The following CSMD1 variants were observed in gnomAD, a reference collection of about 807,000 sequenced individuals.
CSMD1 encodes CUB and Sushi multiple domains 1.
Under a neutral mutation model 417.5 loss-of-function variants are expected in CSMD1, and 213 were observed. The observed-to-expected ratio is 0.51, with a 90% CI of 0.46 to 0.57. The LOEUF (loss-of-function observed/expected upper bound fraction) is 0.57. Among genes scored for constraint, CSMD1 ranks in the 20% least tolerant of loss-of-function variants. CSMD1 has a pLI of 0.00. For synonymous variants in CSMD1, 2,862 were observed against 1,736.8 expected, an observed-to-expected ratio of 1.65 and a Z score of -16.11; for missense variants, 6,923 against 4,529.7, an observed-to-expected ratio of 1.53 and a Z score of -15.17.
intron 1 of CSMD1, among the ~76,000 whole-genome samples, chr8:4,665,066 T>C (rs1378147609): frequency 1.3e-5 from 2 of 152,308 alleles, no homozygotes; most frequent in East Asian, 3.9e-4. Flanking sequence ...AGAAAAGGTA[T>C]TAGTTTCCCT....
At chr8:4,525,184 T>G (rs1390894929) in intron 2 of CSMD1, among the ~76,000 whole-genome samples, 1 of 152,146 alleles carries the variant, frequency 6.6e-6, no homozygotes, top group Non-Finnish European at 1.5e-5. Context: ...CTTCCCTCTA[T>G]GCCACAACCC....
chr8:3,100,352 A>G (rs1199490832), intron 46 of CSMD1, among the ~76,000 whole-genome samples: 1 of 152,162 alleles, frequency 6.6e-6, no homozygotes, highest in Admixed American at 6.5e-5. Flanking sequence ...GTGTTTACCC[A>G]TGAGCGAAAG....
At chr8:3,611,749 T>C (rs10866955) in intron 8 of CSMD1, among the ~76,000 whole-genome samples, 84,495 of 151,882 alleles carry the variant, frequency 0.56, 24,823 homozygotes, top group Middle Eastern at 0.71. Context: ...TATAGGACAA[T>C]GTATAAATAT....
intron 2 of CSMD1, among the ~76,000 whole-genome samples, chr8:4,609,835 C>T (rs1014954961): frequency 6.6e-6 from 1 of 152,176 alleles, no homozygotes; most frequent in East Asian, 1.9e-4. Flanking sequence ...ATCAAATGCC[C>T]TGAGCTTTCT....
intron 3 of CSMD1, among the ~76,000 whole-genome samples, chr8:4,316,663 G>A (rs974934759): frequency 6.6e-6 from 1 of 151,976 alleles, no homozygotes; most frequent in Non-Finnish European, 1.5e-5. Context: ...TCAAGATGAA[G>A]GACTCAAATG....
Position 4,088,174 on chromosome 8 carries a change from C to G in CSMD1, c.416-56075G>C, listed in dbSNP as rs115255420. On this transcript the variant is annotated intron_variant, in intron 3 of 69. Transcript: ENST00000635120. Reference sequence around the variant, plus strand: ...TCAGTAAAGACATGAATATTCTTCCCGTTGTTTTTAATGCCCAATCCCTTC... The same window carrying G: ...TCAGTAAAGACATGAATATTCTTCCGGTTGTTTTTAATGCCCAATCCCTTC... Among the ~76,000 whole-genome samples, 601 of 152,284 alleles carry G rather than the reference C, an allele frequency of 3.9e-3. 2 individuals carry two copies. Among genetic ancestry groups the G allele is most frequent in the African/African-American group, 0.014 (582 of 41,554 alleles).
chr8:4,745,123 T>G (rs1333816320), intron 1 of CSMD1, among the ~76,000 whole-genome samples: 1 of 152,170 alleles, frequency 6.6e-6, no homozygotes, highest in Non-Finnish European at 1.5e-5. Flanking sequence ...TCCATACATT[T>G]AAATCAAATT....
chr8:3,292,385 T>G (rs1451870611), intron 25 of CSMD1, among the ~76,000 whole-genome samples: 1 of 152,146 alleles, frequency 6.6e-6, no homozygotes, highest in Non-Finnish European at 1.5e-5. Flanking sequence ...GTATCCTTGT[T>G]AACTTTCTGT....
At chr8:3,431,027 G>C (rs1038298235) in intron 12 of CSMD1, among the ~76,000 whole-genome samples, 1 of 152,116 alleles carries the variant, frequency 6.6e-6, no homozygotes, top group Admixed American at 6.6e-5. Flanking sequence ...TCCTTAGCAA[G>C]ATCAGGAACC....
chr8:3,834,400 G>T (rs1008486825), intron 5 of CSMD1, among the ~76,000 whole-genome samples: 1 of 151,982 alleles, frequency 6.6e-6, no homozygotes, highest in Admixed American at 6.6e-5. Flanking sequence ...TGCCTGCACA[G>T]TAAAACCCCA....
At chr8:3,969,858 A>G (rs1812960002) in intron 5 of CSMD1, among the ~76,000 whole-genome samples, 1 of 152,246 alleles carries the variant, frequency 6.6e-6, no homozygotes, top group Non-Finnish European at 1.5e-5. Flanking sequence ...GTGCATTTCT[A>G]GAAAGCTGTC....
chr8:3,987,569 C>T (rs1467942770), intron 5 of CSMD1, among the ~76,000 whole-genome samples: 1 of 152,158 alleles, frequency 6.6e-6, no homozygotes, highest in Non-Finnish European at 1.5e-5. Context: ...AGGGGAGGAA[C>T]ACCATTTTTA....
intron 1 of CSMD1, among the ~76,000 whole-genome samples, chr8:4,752,217 A>G (rs1415419362): frequency 6.6e-6 from 1 of 152,268 alleles, no homozygotes; most frequent in East Asian, 1.9e-4. Flanking sequence ...CAGTACTATC[A>G]TATCTTAATT....
intron 3 of CSMD1, among the ~76,000 whole-genome samples, chr8:4,281,662 T>C (rs117284471): frequency 0.018 from 2,765 of 152,360 alleles, 45 homozygotes; most frequent in Non-Finnish European, 0.028. Context: ...CATATAATTC[T>C]ATATAGTAAC....
chr8:3,428,982 G>A (rs1024437496), intron 12 of CSMD1, among the ~76,000 whole-genome samples: 4 of 152,146 alleles, frequency 2.6e-5, no homozygotes, highest in African/African-American at 9.7e-5. Flanking sequence ...GAGAACCTCA[G>A]AAAACTGATC....
At chr8:4,346,376 T>C (rs1459637440) in intron 3 of CSMD1, among the ~76,000 whole-genome samples, 2 of 152,180 alleles carry the variant, frequency 1.3e-5, no homozygotes, top group African/African-American at 2.4e-5. Context: ...TGCGGCTGCT[T>C]ACCTGACCCC....
At chr8:4,322,732 T>A (rs546543033) in intron 3 of CSMD1, among the ~76,000 whole-genome samples, 1 of 152,326 alleles carries the variant, frequency 6.6e-6, no homozygotes, top group Non-Finnish European at 1.5e-5. Context: ...ACGGGGCTCG[T>A]GCCTGTAATA....
intron 1 of CSMD1, among the ~76,000 whole-genome samples, chr8:4,989,296 GC>G (rs1393218992): frequency 6.6e-6 from 1 of 152,010 alleles, no homozygotes; most frequent in African/African-American, 2.4e-5. Flanking sequence ...AAAAAAATCT[GC>G]CCCTGGTTGC....
chr8:3,443,462 T>C (rs1815117354), intron 12 of CSMD1, among the ~76,000 whole-genome samples: 1 of 152,202 alleles, frequency 6.6e-6, no homozygotes, highest in Non-Finnish European at 1.5e-5. Flanking sequence ...GACACAAACA[T>C]CTAATATCTA....
Sources: allele counts gnomAD v4.1 joint callset (sites outside exome capture counted in the v4.1 genomes callset), GRCh38; gene constraint gnomAD v4.1.1; transcripts MANE v1.5; gene names NCBI Gene and HGNC (gene_info 2026-07-23, HGNC 2026-07-21).